Variants in MOXD1 observed in about 807,000 individuals in gnomAD.
MOXD1 encodes the protein monooxygenase DBH like 1, also known as DBH-like monooxygenase protein 1.
Under a neutral mutation model 66.6 loss-of-function variants are expected in MOXD1, and 62 were observed. The observed-to-expected ratio is 0.93, with a 90% CI of 0.76 to 1.15. The LOEUF is 1.15. Among genes scored for constraint, MOXD1 ranks in the 50% most tolerant of loss-of-function variants. The probability of loss-of-function intolerance (pLI) is 0.00; values close to 1 mark genes in which losing one functional copy is unlikely to be tolerated. For synonymous variants in MOXD1, 303 were observed against 281.9 expected (o/e 1.07, Z -0.75); for missense variants, 847 against 754.6 (o/e 1.12, Z -1.44).
chr6:132,329,790 A>G (rs1775277953), intron 4 of MOXD1, among the ~76,000 whole-genome samples: 2 of 152,106 alleles, frequency 1.3e-5, no homozygotes, highest in African/African-American at 4.8e-5. Context: ...TTCCTTGCAC[A>G]TTTTATTTTT....
At position 132,401,364 on chromosome 6, in the gene MOXD1, C is replaced by G. The variant is rs1177886037; in HGVS notation, c.63G>C (p.Ser21=). Residue 21 remains serine (S), a synonymous_variant, in exon 1 of 12, where the codon TCG becomes TCC. Transcript: ENST00000367963. Reference sequence around the variant, plus strand: ...GGGTCCGGTGCGGATAGGTTCGGCCCGAGCCCCCCGCCGCCGTCCCGGGGA... The same window carrying G: ...GGGTCCGGTGCGGATAGGTTCGGCCGGAGCCCCCCGCCGCCGTCCCGGGGA... The part of the protein sequence containing the change: ...GLLPGTAAGG[S]GRTYPHRTLL... 3 of 1,551,258 alleles carry G rather than the reference C, an allele frequency of 1.9e-6. No individual in the cohort carries two copies. The highest frequency in any genetic ancestry group is 1.7e-6 in the Non-Finnish European group (2 of 1,154,762).
chr6:132,296,631 G>A lies in MOXD1; in HGVS notation c.*522C>T, dbSNP rs1435502397. The stretch of plus-strand genomic sequence containing the variant: ...AAAAAGCATTGAGGTAAGGGGCCCA[G>A]TGGTAATTCACAGAAAAGACCAGAA... On this transcript the variant is annotated 3_prime_UTR_variant, in exon 12 of 12. Coordinates refer to ENST00000367963, the MANE Select transcript of MOXD1 (RefSeq NM_015529.4). The A allele has an allele frequency of 1.3e-5, 2 of 152,436 alleles. No individual in the cohort carries two copies. Among genetic ancestry groups the A allele is most frequent in the African/African-American group, 4.8e-5 (2 of 41,450 alleles). The allele number at this position is 152,436 out of a possible 1,614,324, so 9.4% of individuals were successfully genotyped here.
rs528013059 is a variant in MOXD1 at position 132,317,161 on chromosome 6, A to G, written c.1366-1384T>C. Among the ~76,000 whole-genome samples the G allele has an allele frequency of 3.3e-4, 51 of 152,292 alleles. No individual in the cohort carries two copies. The South Asian group carries it at 1.0e-2, about 30-fold the overall frequency. On this transcript the variant is annotated intron_variant, in intron 9 of 11. Transcript: ENST00000367963. Reference sequence around the variant, plus strand: ...ATTCACAAGTGTTGCAAAGGAAACAAAGCAACTGCCAACCAAGAATTCTGT... The same window carrying G: ...ATTCACAAGTGTTGCAAAGGAAACAGAGCAACTGCCAACCAAGAATTCTGT...
chr6:132,394,412 A>T (rs1776830352), intron 1 of MOXD1, among the ~76,000 whole-genome samples: 1 of 152,232 alleles, frequency 6.6e-6, no homozygotes, highest in African/African-American at 2.4e-5. Context: ...AAAAATAAGG[A>T]AATATGGTAT....
intron 7 of MOXD1, 88 bp from the exon 8 acceptor site, chr6:132,322,958 G>C: frequency 1.7e-6 from 2 of 1,160,652 alleles, no homozygotes; most frequent in Non-Finnish European, 2.4e-6. Flanking sequence ...AGGGACAACT[G>C]AGATAAAAAG....
intron 1 of MOXD1, among the ~76,000 whole-genome samples, chr6:132,397,684 AAG>A (rs1318381756): frequency 7.4e-6 from 1 of 134,572 alleles, no homozygotes; most frequent in African/African-American, 2.8e-5. Context: ...GAAAGAAAGA[AAG>A]AAAGAAAGAA....
intron 4 of MOXD1, among the ~76,000 whole-genome samples, chr6:132,350,417 C>T (rs1258970274): frequency 2.0e-5 from 3 of 152,202 alleles, no homozygotes; most frequent in Admixed American, 1.3e-4. Flanking sequence ...TTTGCTTTGT[C>T]GAAGAACAGT....
At chr6:132,353,052 C>T (rs1450838590) in intron 4 of MOXD1, among the ~76,000 whole-genome samples, 1 of 152,078 alleles carries the variant, frequency 6.6e-6, no homozygotes, top group Non-Finnish European at 1.5e-5. Flanking sequence ...GGTGAGTCTC[C>T]TGAAGGCAGC....
rs890522701 is a variant in MOXD1, at chr6:132,318,378, A to C, written c.1365+2251T>G. Among the ~76,000 whole-genome samples the C allele has an allele frequency of 1.3e-5, 2 of 152,190 alleles. 1 individual carries two copies. Among genetic ancestry groups the C allele is most frequent in the South Asian group, 4.1e-4 (2 of 4,824 alleles). ...CGGAAATGCTATTTAAAATTTTGCC[A>C]AACTGGTTAGTTCAAAACATCTCAC... On this transcript the variant is annotated intron_variant, in intron 9 of 11. Transcript: ENST00000367963.
chr6:132,338,970 C>A (rs936306221), intron 4 of MOXD1, among the ~76,000 whole-genome samples: 5 of 152,164 alleles, frequency 3.3e-5, no homozygotes, highest in African/African-American at 9.7e-5. Context: ...TCACAGACAA[C>A]AAGTAAGTCT....
intron 1 of MOXD1, among the ~76,000 whole-genome samples, chr6:132,386,490 G>T (rs1358950653): frequency 1.3e-5 from 2 of 149,358 alleles, no homozygotes; most frequent in Admixed American, 1.3e-4. Context: ...CATAACCATT[G>T]TGATGATAAT....
chr6:132,332,769 T>G (rs538622286), intron 4 of MOXD1, among the ~76,000 whole-genome samples: 1 of 152,222 alleles, frequency 6.6e-6, no homozygotes, highest in Admixed American at 6.5e-5. Flanking sequence ...CGTTATTTTC[T>G]GCTCCCACAA....
At chr6:132,387,433 T>C (rs1776673945) in intron 1 of MOXD1, among the ~76,000 whole-genome samples, 1 of 151,202 alleles carries the variant, frequency 6.6e-6, no homozygotes, top group South Asian at 2.1e-4. Context: ...GTCCTCATTA[T>C]GTAACCTAAT....
chr6:132,401,034 C>A (rs1424494876), intron 1 of MOXD1, 129 bp downstream of exon 1: 1 of 1,212,160 alleles, frequency 8.2e-7, no homozygotes. Context: ...GTGAGCGTGG[C>A]CGGGGGCGCG....
intron 4 of MOXD1, among the ~76,000 whole-genome samples, chr6:132,362,224 C>T (rs896571723): frequency 6.6e-6 from 1 of 151,970 alleles, no homozygotes; most frequent in African/African-American, 2.4e-5. Context: ...TTAAGAAAAT[C>T]TTTTATTATA....
intron 4 of MOXD1, among the ~76,000 whole-genome samples, chr6:132,349,454 T>TATATATAC (rs1775753390): frequency 3.9e-5 from 1 of 25,520 alleles, no homozygotes; most frequent in African/African-American, 2.2e-4. Flanking sequence ...TATATATACA[T>TATATATAC]ATATATATAT....
chr6:132,344,021 T>C (rs886447720), intron 4 of MOXD1, among the ~76,000 whole-genome samples: 1 of 152,152 alleles, frequency 6.6e-6, no homozygotes, highest in African/African-American at 2.4e-5. Context: ...AATGAAAATA[T>C]AAACAGAAAT....
intron 11 of MOXD1, 100 bp from the exon 12 acceptor site, chr6:132,297,417 G>A: frequency 8.0e-7 from 1 of 1,250,084 alleles, no homozygotes; most frequent in Non-Finnish European, 1.1e-6. Context: ...GGATAAAGGG[G>A]GCAGGAGTGG....
intron 4 of MOXD1, among the ~76,000 whole-genome samples, chr6:132,332,099 A>T (rs1775332080): frequency 6.6e-6 from 1 of 152,204 alleles, no homozygotes; most frequent in South Asian, 2.1e-4. Context: ...GGATGAGAAG[A>T]CAGACCCATG....
Sources: gnomAD v4.1 joint callset for allele counts (sites outside exome capture counted in the v4.1 genomes callset) on GRCh38, gnomAD v4.1.1 for gene constraint, MANE v1.5 for transcripts, NCBI Gene and HGNC (gene_info 2026-07-23, HGNC 2026-07-21) for gene names.